CTNNA3: variants seen among roughly 807,000 people sequenced by gnomAD.
CTNNA3 encodes catenin alpha-3.
CTNNA3 carries 76 observed loss-of-function variants against 95.7 expected under a neutral mutation model. That is an observed-to-expected ratio of 0.79 (90% CI 0.66 to 0.96). CTNNA3 has a LOEUF of 0.96. Ranked by LOEUF, CTNNA3 falls within the 40% of genes least tolerant of loss-of-function variation. The pLI is 0.00. For missense variants in CTNNA3, 1,191 were observed against 1,089.8 expected, an observed-to-expected ratio of 1.09 and a Z score of -1.31; for synonymous variants, 431 against 374.4, an observed-to-expected ratio of 1.15 and a Z score of -1.74.
chr10:67,718,734 T>C (rs550694826), intron 1 of CTNNA3, among the ~76,000 whole-genome samples: 135 of 152,332 alleles, frequency 8.9e-4, no homozygotes, highest in African/African-American at 2.9e-3. Context: ...TTCGCATCGA[T>C]GTTCATCAGG....
At chr10:66,627,683 G>T (rs1844986905) in intron 9 of CTNNA3, among the ~76,000 whole-genome samples, 1 of 152,054 alleles carries the variant, frequency 6.6e-6, no homozygotes, top group Non-Finnish European at 1.5e-5. Context: ...TCTGGGTTTA[G>T]TCAGCCTGCA....
At chr10:65,924,452 C>T (rs375392754) in intron 17 of CTNNA3, among the ~76,000 whole-genome samples, 13 of 152,160 alleles carry the variant, frequency 8.5e-5, no homozygotes, top group East Asian at 1.9e-4. Flanking sequence ...AACTAGGCTG[C>T]GTGAAACTAA....
chr10:66,018,509 T>G (rs1293250625), intron 15 of CTNNA3, among the ~76,000 whole-genome samples: 1 of 152,054 alleles, frequency 6.6e-6, no homozygotes, highest in Non-Finnish European at 1.5e-5. Context: ...ATGACATCTA[T>G]TTTACCAGTC....
In CTNNA3 at chr10:66,576,327, T is replaced by A. The variant is rs115948005; in HGVS notation, c.1374+45365A>T. ...GCTGGTTTTTTAATTATTATTACTA[T>A]TGGTTTCTACTTTATTCTAGGTTTA... On this transcript the variant is annotated intron_variant, in intron 10 of 17. Transcript: ENST00000433211. 7.0e-3 allele frequency among the ~76,000 whole-genome samples: 1,072 copies of A among 152,214 alleles called. 10 individuals are homozygous for A. Among genetic ancestry groups the A allele is most frequent in the African/African-American group, 0.024 (1,002 of 41,516 alleles).
intron 7 of CTNNA3, among the ~76,000 whole-genome samples, chr10:66,986,988 A>G (rs759324023): frequency 6.6e-6 from 1 of 152,130 alleles, no homozygotes; most frequent in Non-Finnish European, 1.5e-5. Context: ...ATAAGCTGAT[A>G]CATGAGCCAA....
At chr10:67,118,824 TATC>T (rs1472189448) in intron 7 of CTNNA3, among the ~76,000 whole-genome samples, 2 of 152,050 alleles carry the variant, frequency 1.3e-5, no homozygotes, top group Middle Eastern at 3.4e-3. Flanking sequence ...TCATCAATTA[TATC>T]ATAATTTGAA....
intron 11 of CTNNA3, among the ~76,000 whole-genome samples, chr10:66,499,699 A>G (rs1210842277): frequency 6.6e-6 from 1 of 152,120 alleles, no homozygotes; most frequent in African/African-American, 2.4e-5. Context: ...ATTATGTGTG[A>G]TTATACTAGC....
At chr10:66,950,926 T>C (rs930843122) in intron 7 of CTNNA3, among the ~76,000 whole-genome samples, 4 of 152,184 alleles carry the variant, frequency 2.6e-5, no homozygotes, top group Admixed American at 2.6e-4. Context: ...AATTCTGATC[T>C]GTCGGATTCA....
chr10:66,415,824 C>T (rs890117578), intron 11 of CTNNA3, among the ~76,000 whole-genome samples: 1 of 152,136 alleles, frequency 6.6e-6, no homozygotes, highest in African/African-American at 2.4e-5. Context: ...ACCAACACCA[C>T]AGATTCTTCC....
chr10:66,017,479 A>AATCT (rs1392875079), intron 15 of CTNNA3, among the ~76,000 whole-genome samples: 2 of 152,108 alleles, frequency 1.3e-5, no homozygotes, highest in Non-Finnish European at 2.9e-5. Context: ...TTTATATCAC[A>AATCT]ATCTGAAATA....
intron 14 of CTNNA3, among the ~76,000 whole-genome samples, chr10:66,079,462 T>C (rs1315996597): frequency 6.6e-6 from 1 of 151,936 alleles, no homozygotes; most frequent in African/African-American, 2.4e-5. Flanking sequence ...ACCTCCTAGT[T>C]TTATATGTAT....
At chr10:66,395,166 G>A (rs1247896541) in intron 11 of CTNNA3, among the ~76,000 whole-genome samples, 1 of 152,028 alleles carries the variant, frequency 6.6e-6, no homozygotes, top group East Asian at 1.9e-4. Flanking sequence ...CACTTTCCTA[G>A]TCAATGAATT....
At chr10:66,230,425 G>C (rs1328327289) in intron 13 of CTNNA3, among the ~76,000 whole-genome samples, 12 of 152,080 alleles carry the variant, frequency 7.9e-5, no homozygotes. Flanking sequence ...GGTGGGCACT[G>C]TTGTATATTA....
chr10:66,684,682 A>G (rs971232553), intron 9 of CTNNA3, among the ~76,000 whole-genome samples: 1 of 152,128 alleles, frequency 6.6e-6, no homozygotes, highest in African/African-American at 2.4e-5. Context: ...CTGATAAAGT[A>G]TTTGTAGGAC....
At chr10:67,397,010 G>A (rs190219916) in intron 5 of CTNNA3, among the ~76,000 whole-genome samples, 1 of 152,260 alleles carries the variant, frequency 6.6e-6, no homozygotes, top group Admixed American at 6.5e-5. Context: ...AAATTACCCA[G>A]TCTTACATAT....
chr10:67,127,330 G>T (rs548193652), intron 7 of CTNNA3, among the ~76,000 whole-genome samples: 1 of 152,098 alleles, frequency 6.6e-6, no homozygotes, highest in Non-Finnish European at 1.5e-5. Context: ...TAATAATTCA[G>T]TACATAAATA....
At chr10:67,576,478 TGGTACAC>T (rs1842149088) in intron 3 of CTNNA3, among the ~76,000 whole-genome samples, 1 of 151,998 alleles carries the variant, frequency 6.6e-6, no homozygotes, top group Non-Finnish European at 1.5e-5. Context: ...GTTCCATGAG[TGGTACAC>T]GGTAAGCTTT....
chr10:66,562,330 A>T (rs1315649497), intron 10 of CTNNA3, among the ~76,000 whole-genome samples: 1 of 152,106 alleles, frequency 6.6e-6, no homozygotes, highest in Non-Finnish European at 1.5e-5. Context: ...CCCTCATTTC[A>T]AAAAGAAGAA....
chr10:66,094,741 A>G (rs553811588), intron 14 of CTNNA3, among the ~76,000 whole-genome samples: 2 of 152,280 alleles, frequency 1.3e-5, no homozygotes, highest in South Asian at 2.1e-4. Context: ...AGTTGAGCTC[A>G]GAATGAATTC....
Sources: gnomAD v4.1 joint callset for allele counts (sites outside exome capture counted in the v4.1 genomes callset) on GRCh38, gnomAD v4.1.1 for gene constraint, MANE v1.5 for transcripts, NCBI Gene and HGNC (gene_info 2026-07-23, HGNC 2026-07-21) for gene names.